BMS1: variants seen among roughly 807,000 people sequenced by gnomAD.
BMS1 encodes the protein ribosome biogenesis protein BMS1 homolog.
BMS1 carries 53 observed loss-of-function variants against 138.7 expected under a neutral mutation model. That is an observed-to-expected ratio of 0.38 (90% confidence interval 0.31 to 0.48). BMS1 has a LOEUF of 0.48. Ranked by LOEUF, BMS1 falls within the 20% of genes least tolerant of loss-of-function variation. The probability of loss-of-function intolerance (pLI) is 0.97; values close to 1 mark genes in which losing one functional copy is unlikely to be tolerated. For missense variants in BMS1, 1,360 were observed against 1,565.5 expected (o/e 0.87, Z 2.22); for synonymous variants, 504 against 539.9 (o/e 0.93, Z 0.92).
chr10:42,796,409 T>G, intron 9 of BMS1, 65 bp from the exon 10 acceptor site: 1 of 1,478,564 alleles, frequency 6.8e-7, no homozygotes, highest in Non-Finnish European at 9.2e-7. Context: ...TTGACTATAT[T>G]GCCATTTCTA....
chr10:42,823,535 T>A, intron 20 of BMS1, 74 bp from the exon 21 acceptor site: 1 of 1,393,662 alleles, frequency 7.2e-7, no homozygotes, highest in East Asian at 2.4e-5. Context: ...GTGAAGGTTT[T>A]ATTCTTTGTT....
intron 11 of BMS1, among the ~76,000 whole-genome samples, chr10:42,798,066 G>A (rs1336623458): frequency 6.6e-6 from 1 of 152,220 alleles, no homozygotes; most frequent in African/African-American, 2.4e-5. Context: ...ACTGAATTGG[G>A]AAGGTTGTTG....
chr10:42,797,626 T>G lies in BMS1; in HGVS notation c.2089+103T>G, dbSNP rs1417395975. The G allele has an allele frequency of 1.0e-5, 11 of 1,078,100 alleles. 1 individual carries two copies. The South Asian group carries it at 1.3e-4, about 12-fold the overall frequency. The allele number at this position is 1,078,100 out of a possible 1,614,324, so 66.8% of individuals were successfully genotyped here. On this transcript the variant is annotated intron_variant, in intron 11 of 22. Coordinates refer to ENST00000374518, the MANE Select transcript of BMS1 (RefSeq NM_014753.4). ...GGCTGGTATTGTTGACATCCATAAT[T>G]GCTGTCCATCACATTTCATATTTGA...
At chr10:42,794,483 G>T (rs1329410366) in intron 9 of BMS1, among the ~76,000 whole-genome samples, 1 of 151,520 alleles carries the variant, frequency 6.6e-6, no homozygotes, top group East Asian at 1.9e-4. Context: ...GTGGATGTTT[G>T]CAAAACATTG....
intron 9 of BMS1, among the ~76,000 whole-genome samples, chr10:42,795,669 G>A (rs777422434): frequency 2.0e-5 from 3 of 151,952 alleles, no homozygotes; most frequent in African/African-American, 4.8e-5. Context: ...ATGATTTTCA[G>A]TTTTTTCAAA....
At chr10:42,807,293 A>G (rs76762495) in intron 13 of BMS1, among the ~76,000 whole-genome samples, 16,703 of 152,222 alleles carry the variant, frequency 0.11, 1,062 homozygotes, top group African/African-American at 0.17. Flanking sequence ...AGAATCATAC[A>G]GTCTATAAAC....
chr10:42,820,260 C>G lies in BMS1; in HGVS notation c.2605C>G (p.Gln869Glu), dbSNP rs755836404. Residue 869 changes from glutamine (Q) to glutamate (E), a missense_variant, in exon 16 of 23, where the codon CAA becomes GAA. Gln to Glu is a conservative substitution (Grantham distance 29). Around this residue, in one of 3 missense-constraint regions of BMS1, gnomAD observed 425 missense variants for 568.3 expected, o/e 0.75. Coordinates refer to ENST00000374518, the MANE Select transcript of BMS1 (RefSeq NM_014753.4). ...AQLNRAEFED[Q>E]DDEARVQYEG... Reference sequence around the variant, plus strand: ...GCTGAATCGCGCAGAATTTGAAGATCAAGATGATGAAGCCAGAGTTCAGTA... The same window carrying G: ...GCTGAATCGCGCAGAATTTGAAGATGAAGATGATGAAGCCAGAGTTCAGTA... 5 of 1,612,836 alleles carry G rather than the reference C, an allele frequency of 3.1e-6. No homozygotes were observed. In the South Asian group the frequency reaches 5.5e-5, roughly 18 times the overall value.
At chr10:42,804,808 C>G (rs1165961534) in intron 13 of BMS1, among the ~76,000 whole-genome samples, 3 of 151,942 alleles carry the variant, frequency 2.0e-5, no homozygotes, top group South Asian at 2.1e-4. Context: ...ACCCCTGCCC[C>G]CTGGGTTCAA....
rs1264067863 is a variant in BMS1 at position 42,833,156 on chromosome 10, CAATG to C, written c.*2061_*2064del. Reference sequence around the variant, plus strand: ...TGCAGATAATTGCCTTTTCCAAAGACAATGTATGTAGGCAGAACTCATACCTGTT... The same window carrying C: ...TGCAGATAATTGCCTTTTCCAAAGACTATGTAGGCAGAACTCATACCTGTT... On this transcript the variant is annotated 3_prime_UTR_variant, in exon 23 of 23. Transcript: ENST00000374518. The C allele has an allele frequency of 5.9e-5, 9 of 152,092 alleles. No individual in the cohort carries two copies. The highest frequency in any genetic ancestry group is 1.7e-4 in the African/African-American group (7 of 41,404). 9.4% of individuals were successfully genotyped at this position (152,092 alleles called of 1,614,324 possible).
At position 42,796,788 on chromosome 10, in the gene BMS1, A is replaced by T. The variant is rs758920366; in HGVS notation, c.1544A>T (p.Glu515Val). The stretch of plus-strand genomic sequence containing the variant: ...GACCTTGAGAGGAGCTCAGCGGAAG[A>T]AGGGGAAGCGGAGGAAGCTGATGAA... ...DDDLERSSAEEGEAEEADESS... is the reference protein window; with the variant it reads ...DDDLERSSAEVGEAEEADESS... The change falls in exon 10 of 23, where the codon GAA becomes GTA. Residue 515 changes from glutamate (E) to valine (V), a missense_variant. Transcript: ENST00000374518. 2.5e-6 allele frequency: 4 copies of T among 1,614,196 alleles called. No individual in the cohort carries two copies. In the Admixed American group the frequency reaches 6.7e-5, roughly 27 times the overall value.
chr10:42,798,762 T>A, intron 12 of BMS1, 137 bp downstream of exon 12: 1 of 1,219,708 alleles, frequency 8.2e-7, no homozygotes, highest in Non-Finnish European at 1.1e-6. Flanking sequence ...CCAGATATTG[T>A]AGTGGGCGCT....
intron 5 of BMS1, among the ~76,000 whole-genome samples, chr10:42,790,969 A>G (rs1223534687): frequency 6.6e-6 from 1 of 152,094 alleles, no homozygotes; most frequent in East Asian, 1.9e-4. Flanking sequence ...GTGTGTGTTC[A>G]CAGTCTATGG....
intron 15 of BMS1, among the ~76,000 whole-genome samples, chr10:42,817,877 T>C (rs562811821): frequency 3.9e-4 from 60 of 152,322 alleles, no homozygotes; most frequent in African/African-American, 1.4e-3. Context: ...AGGTGATCAG[T>C]GGCCCCTGTG....
At chr10:42,828,812 T>G (rs1044362040) in intron 21 of BMS1, among the ~76,000 whole-genome samples, 10 of 152,236 alleles carry the variant, frequency 6.6e-5, no homozygotes, top group Non-Finnish European at 1.3e-4. Context: ...GAAACAGAAG[T>G]CTCCCAGGCA....
At position 42,786,010 on chromosome 10, in the gene BMS1, C is replaced by T. The variant is rs538130456; in HGVS notation, c.367+338C>T. On this transcript the variant is annotated intron_variant, in intron 3 of 22. Transcript: ENST00000374518. ...CCGTGTAGAAGGATGTGTGGTCCAG[C>T]CTCTTAAGGTGATGCTTTCCTTTTC... Among the ~76,000 whole-genome samples, 20 of 152,134 alleles carry T rather than the reference C, an allele frequency of 1.3e-4. No individual in the cohort carries two copies. In the South Asian group the frequency reaches 3.9e-3, roughly 30 times the overall value.
Position 42,790,438 on chromosome 10 carries a change from C to G in BMS1, c.563C>G (p.Ser188Cys), listed in dbSNP as rs751292199. 1 of 1,613,944 alleles carries G rather than the reference C, an allele frequency of 6.2e-7. No individual in the cohort carries two copies. Among genetic ancestry groups the G allele is most frequent in the East Asian group, 2.2e-5 (1 of 44,878 alleles). ...KIMGVLTHLD[S>C]FKHNKQLKKT... Reference sequence around the variant, plus strand: ...ATGGGAGTTCTCACCCACCTCGACTCCTTCAAGCATAATAAGCAACTGAAG... The same window carrying G: ...ATGGGAGTTCTCACCCACCTCGACTGCTTCAAGCATAATAAGCAACTGAAG... The change falls in exon 5 of 23, where the codon TCC (serine) becomes TGC (cysteine). Residue 188 changes from serine to cysteine, a missense_variant. By Grantham distance (112) the Ser-to-Cys change is moderately radical (BLOSUM62 -1). Around this residue, in one of 3 missense-constraint regions of BMS1, gnomAD observed 238 missense variants for 311.1 expected, o/e 0.77. Transcript: ENST00000374518.
At chr10:42,793,662 T>C (rs1184237273) in intron 8 of BMS1, among the ~76,000 whole-genome samples, 190 bp from the exon 9 acceptor site, 4 of 152,204 alleles carry the variant, frequency 2.6e-5, no homozygotes, top group African/African-American at 9.7e-5. Flanking sequence ...CCCTGAACTT[T>C]GGAAAAGTTT....
At chr10:42,795,035 T>C (rs1841634010) in intron 9 of BMS1, among the ~76,000 whole-genome samples, 1 of 147,802 alleles carries the variant, frequency 6.8e-6, no homozygotes, top group South Asian at 2.1e-4. Context: ...GTTCTTGTGA[T>C]AGTTTACTGA....
rs1300404564 is a variant in BMS1 at position 42,798,499 on chromosome 10, T to C, written c.2121T>C (p.Asp707=). The C allele has an allele frequency of 6.2e-7, 1 of 1,614,130 alleles. No individual in the cohort carries two copies. The highest frequency in any genetic ancestry group is 8.5e-7 in the Non-Finnish European group (1 of 1,180,050). ...AAGATAATGAAGAAGAAGATGATGA[T>C]ACTCTAGAAGAGCTTGGAGGGTTGT... The part of the protein sequence containing the change: ...VTEDNEEEDD[D]TLEELGGLFR... Residue 707 remains aspartate, a synonymous_variant, in exon 12 of 23, where the codon GAT becomes GAC. Transcript: ENST00000374518.
Sources: gnomAD v4.1 joint callset for allele counts (sites outside exome capture counted in the v4.1 genomes callset) on GRCh38, gnomAD v4.1.1 for gene constraint, gnomAD v4.1.1 regional missense constraint, MANE v1.5 for transcripts, NCBI Gene and HGNC (gene_info 2026-07-23, HGNC 2026-07-21) for gene names.